The following GET1 variants were observed in gnomAD, a reference collection of about 807,000 sequenced individuals.
GET1 encodes the protein guided entry of tail-anchored proteins factor 1.
A neutral mutation model predicts 22.6 loss-of-function variants in GET1; 20 were observed. That is an observed-to-expected ratio of 0.89 (90% CI 0.62 to 1.29). The LOEUF (loss-of-function observed/expected upper bound fraction) is 1.29, where lower values mean the gene tolerates loss of function less well. Among genes scored for constraint, GET1 ranks in the 50% most tolerant of loss-of-function variants. The pLI, the probability that GET1 is intolerant of heterozygous loss-of-function variation, is 0.00. For missense variants in GET1, 209 were observed against 219.9 expected, an observed-to-expected ratio of 0.95 and a Z score of 0.31; for synonymous variants, 92 against 83.8, an observed-to-expected ratio of 1.10 and a Z score of -0.53.
At chr21:39,413,061 A>G (rs2837013) in intron 1 of GET1, among the ~76,000 whole-genome samples, 117,419 of 152,096 alleles carry the variant, frequency 0.77, 45,637 homozygotes, top group African/African-American at 0.84. Context: ...AGCAGGGGAC[A>G]ATCACCAGGA....
In GET1 at chr21:39,406,013, T is replaced by C. The variant is rs774011644; in HGVS notation, c.*29T>C. 1.2e-5 allele frequency: 19 copies of C among 1,614,122 alleles called. No homozygotes were observed. The African/African-American group carries it at 1.9e-4, about 16-fold the overall frequency. Reference sequence around the variant, plus strand: ...GGAGGCAGGGGATGCGACTCCTTACTTTGCAAAGGCTCCTCTGAGCCTTTT... The same window carrying C: ...GGAGGCAGGGGATGCGACTCCTTACCTTGCAAAGGCTCCTCTGAGCCTTTT... On this transcript the variant is annotated 3_prime_UTR_variant, in exon 5 of 5. Transcript: ENST00000415847.
At chr21:39,386,792 CTT>C (rs987569033) in intron 1 of GET1, among the ~76,000 whole-genome samples, 4 of 152,068 alleles carry the variant, frequency 2.6e-5, no homozygotes, top group Admixed American at 2.0e-4. Flanking sequence ...CATTTTAACA[CTT>C]ATACGTGGGT....
chr21:39,406,653 A>C (rs2039106978), downstream of GET1: 1 of 1,446,786 alleles, frequency 6.9e-7, no homozygotes. Flanking sequence ...GTTTAAAATG[A>C]ATGGATCTCT....
rs1490590747 is a variant in GET1, at chr21:39,422,804, C to G, written c.*24-5428C>G. On this transcript the variant is annotated intron_variant, in intron 1 of 1. Transcript: ENST00000478273. ...GTTTGAGCTGCTTCTGTTTTTCCTT[C>G]AAACCACTCCCTTTCTGTGCCCTCT... The G allele has an allele frequency of 9.4e-6, 6 of 640,346 alleles. No homozygotes were observed. In the Admixed American group the frequency reaches 9.8e-5, roughly 11 times the overall value. 39.7% of individuals were successfully genotyped at this position (640,346 alleles called of 1,614,324 possible).
intron 1 of GET1, chr21:39,380,953 A>ATC (rs2037519263): frequency 1.0e-6 from 1 of 993,964 alleles, no homozygotes; most frequent in African/African-American, 1.7e-5. Flanking sequence ...TGTAGAGAGA[A>ATC]TCTCAGTACA....
chr21:39,424,646 T>A (rs1387017272), intron 1 of GET1, among the ~76,000 whole-genome samples: 1 of 152,236 alleles, frequency 6.6e-6, no homozygotes, highest in East Asian at 1.9e-4. Flanking sequence ...AAAGAACTTA[T>A]ATATTCAAAA....
chr21:39,428,224 T>TA (rs2147920212), intron 1 of GET1: 1 of 1,601,154 alleles, frequency 6.2e-7, no homozygotes, highest in South Asian at 1.1e-5. Flanking sequence ...CCTTTTCTTT[T>TA]ACCACAGGCT....
At chr21:39,398,863 C>T (rs1346859265), downstream of GET1, among the ~76,000 whole-genome samples, 2 of 151,992 alleles carry the variant, frequency 1.3e-5, no homozygotes, top group South Asian at 2.1e-4. Flanking sequence ...CCTCGGCATC[C>T]CAAAGTGCTG....
chr21:39,403,357 C>T (rs564552242), intron 4 of GET1, among the ~76,000 whole-genome samples: 13 of 152,198 alleles, frequency 8.5e-5, no homozygotes, highest in South Asian at 2.1e-4. Context: ...CACGGAGTCT[C>T]GCTCTGTTGC....
chr21:39,380,829 CGGCCAGGGTTTCCCAGA>C, intron 1 of GET1: 1 of 997,396 alleles, frequency 1.0e-6, no homozygotes, highest in Non-Finnish European at 1.2e-6. Context: ...GAGCAGCCCT[CGGCCAGGGTTTCCCAGA>C]GGCCTGGCGG....
rs544072741 is a variant in GET1, at chr21:39,417,988, C to G, written c.*23+7051C>G. The stretch of plus-strand genomic sequence containing the variant: ...TCGCCGTGTTTGCCAGGATTGTCTC[C>G]ATCTCCTGACCTCGTGATCCACCCA... On this transcript the variant is annotated intron_variant, in intron 1 of 1. Transcript: ENST00000478273. Among the ~76,000 whole-genome samples, 10 of 152,146 alleles carry G rather than the reference C, an allele frequency of 6.6e-5. No individual in the cohort carries two copies. In the South Asian group the frequency reaches 1.7e-3, roughly 25 times the overall value.
intron 1 of GET1, among the ~76,000 whole-genome samples, chr21:39,381,443 T>C (rs2037550242): frequency 6.6e-6 from 1 of 152,214 alleles, no homozygotes; most frequent in Admixed American, 6.5e-5. Context: ...CAGTATTCAT[T>C]GAGTGCCTGT....
chr21:39,420,622 C>T, intron 1 of GET1: 1 of 1,122,658 alleles, frequency 8.9e-7, no homozygotes, highest in Non-Finnish European at 1.2e-6. Context: ...AATAAAAAAT[C>T]ACTTAAAGAT....
intron 3 of GET1, chr21:39,392,918 A>G (rs925521178): frequency 2.1e-5 from 9 of 421,706 alleles, no homozygotes; most frequent in African/African-American, 9.9e-5. Flanking sequence ...AGGCTCGCCT[A>G]CTTGTTGGCA....
chr21:39,400,393 A>G (rs1436091377), downstream of GET1, among the ~76,000 whole-genome samples: 1 of 152,224 alleles, frequency 6.6e-6, no homozygotes, highest in African/African-American at 2.4e-5. Flanking sequence ...TGATGACGCA[A>G]GTGCCTTTAG....
intron 1 of GET1, among the ~76,000 whole-genome samples, chr21:39,424,081 T>TGGCTCACTGCAACCTC (rs1343882048): frequency 1.3e-5 from 2 of 152,118 alleles, no homozygotes; most frequent in African/African-American, 4.8e-5. Context: ...GGTGCAACCT[T>TGGCTCACTGCAACCTC]GGCTCACTGC....
chr21:39,398,149 C>T (rs1018563820), downstream of GET1, among the ~76,000 whole-genome samples: 3 of 152,190 alleles, frequency 2.0e-5, no homozygotes, highest in African/African-American at 7.2e-5. Flanking sequence ...AGGAACTGGA[C>T]ACCAGCTTCC....
intron 1 of GET1, among the ~76,000 whole-genome samples, chr21:39,390,487 A>G (rs1158423299): frequency 1.3e-5 from 2 of 152,150 alleles, no homozygotes; most frequent in Non-Finnish European, 2.9e-5. Context: ...TCTCAGCAGG[A>G]TGAATCTCCC....
At chr21:39,386,521 C>T (rs2037915967) in intron 1 of GET1, 1 of 152,360 alleles carries the variant, frequency 6.6e-6, no homozygotes, top group South Asian at 2.1e-4. Flanking sequence ...GGTAGGGTTC[C>T]TGGCCGAGAG....
Sources: allele counts gnomAD v4.1 joint callset (sites outside exome capture counted in the v4.1 genomes callset), GRCh38; gene constraint gnomAD v4.1.1; transcripts MANE v1.5; gene names NCBI Gene and HGNC (gene_info 2026-07-23, HGNC 2026-07-21).